The following RIF1 variants were observed in gnomAD, a reference collection of about 807,000 sequenced individuals.
RIF1 encodes the protein telomere-associated protein RIF1.
In RIF1, 45 loss-of-function variants were observed where a neutral mutation model predicts 247.1. The ratio of observed to expected loss-of-function variants is 0.18; its 90% CI spans 0.14 to 0.23. The LOEUF (loss-of-function observed/expected upper bound fraction) is 0.23, where lower values mean the gene tolerates loss of function less well. RIF1 is among the 10% of genes least tolerant of loss of function. The probability of loss-of-function intolerance (pLI) is 1.00; values close to 1 mark genes in which losing one functional copy is unlikely to be tolerated. For synonymous variants in RIF1, 1,087 were observed against 978.8 expected, an observed-to-expected ratio of 1.11 and a Z score of -2.06; for missense variants, 2,967 against 2,862.5, an observed-to-expected ratio of 1.04 and a Z score of -0.83.
downstream of RIF1, among the ~76,000 whole-genome samples, chr2:151,509,093 T>C (rs1167941384): frequency 6.6e-6 from 1 of 152,226 alleles, no homozygotes; most frequent in East Asian, 1.9e-4. Context: ...TCTGTCTGTC[T>C]CTATGTACTT....
chr2:151,440,319 TAAC>T (rs966985868), intron 15 of RIF1, among the ~76,000 whole-genome samples, 192 bp downstream of exon 15: 2 of 152,094 alleles, frequency 1.3e-5, no homozygotes, highest in Non-Finnish European at 1.5e-5. Context: ...ATAGTGACTA[TAAC>T]AACAGCCACA....
In RIF1 at chr2:151,411,312, C is replaced by T. The variant is rs1280185759; in HGVS notation, c.157C>T (p.Leu53Phe). 6.3e-7 allele frequency: 1 copy of T among 1,599,860 alleles called. No homozygotes were observed. Among genetic ancestry groups the T allele is most frequent in the African/African-American group, 1.3e-5 (1 of 74,184 alleles). ...AGTAATTACAGAAATTGAGAAAAAACTTCCTCGGCTGTACAAAGTTTTAAA... is the reference window on the plus strand; with the variant it reads ...AGTAATTACAGAAATTGAGAAAAAATTTCCTCGGCTGTACAAAGTTTTAAA... ...KEVITEIEKKLPRLYKVLKTH... is the reference protein window; with the variant it reads ...KEVITEIEKKFPRLYKVLKTH... Residue 53 changes from leucine to phenylalanine, a missense_variant, in exon 3 of 36, where the codon CTT becomes TTT. Transcript: ENST00000444746.
intron 26 of RIF1, among the ~76,000 whole-genome samples, chr2:151,460,825 C>T (rs1696034982): frequency 6.6e-6 from 1 of 152,194 alleles, no homozygotes; most frequent in Non-Finnish European, 1.5e-5. Context: ...TTGAGAGCTG[C>T]AAATATACTC....
chr2:151,500,854 C>T (rs944077976), intron 11 of RIF1, among the ~76,000 whole-genome samples: 2 of 152,104 alleles, frequency 1.3e-5, no homozygotes, highest in Non-Finnish European at 2.9e-5. Context: ...CTGCCTCGAC[C>T]TCCCAAAGTG....
downstream of RIF1, among the ~76,000 whole-genome samples, chr2:151,482,920 T>C (rs1288593792): frequency 6.6e-6 from 1 of 152,072 alleles, no homozygotes; most frequent in African/African-American, 2.4e-5. Flanking sequence ...CAGGTAGAGG[T>C]ATTTCCCCAA....
rs201291446 is a variant in RIF1, at chr2:151,493,797, C to T, written c.*416-1432C>T. 61 of 1,582,370 alleles carry T rather than the reference C, an allele frequency of 3.9e-5. No individual in the cohort carries two copies. The East Asian group carries it at 7.9e-4, about 21-fold the overall frequency. ...TACCGAGCTAAAGTTTTCTTGATTG[C>T]GTTTCACTCTTTCCATCTCAGGAGT... is the stretch of plus-strand genomic sequence containing the variant. On this transcript the variant is annotated intron_variant and NMD_transcript_variant, in intron 9 of 13. Coordinates refer to the RIF1 transcript ENST00000454583.
At chr2:151,433,253 G>A (rs72860233) in intron 10 of RIF1, 25 bp downstream of exon 10, 510,089 of 1,567,238 alleles carry the variant, frequency 0.33, 87,609 homozygotes, top group Non-Finnish European at 0.36. Context: ...GTTGACTATA[G>A]CACTTTATGT....
chr2:151,437,751 T>G (rs1691508325), intron 13 of RIF1, among the ~76,000 whole-genome samples: 1 of 152,166 alleles, frequency 6.6e-6, no homozygotes, highest in African/African-American at 2.4e-5. Context: ...ACTGGCCAGA[T>G]TGTGCATTGA....
Position 151,435,530 on chromosome 2 carries a change from G to GCAGTGGTGCGATCTGGGC in RIF1, c.1145_1146insCAGTGGTGCGATCTGGGC (p.Cys382_His383insSerGlyAlaIleTrpAla). The GCAGTGGTGCGATCTGGGC allele has an allele frequency of 6.2e-7, 1 of 1,612,314 alleles. No homozygotes were observed. Among genetic ancestry groups the GCAGTGGTGCGATCTGGGC allele is most frequent in the Non-Finnish European group, 8.5e-7 (1 of 1,178,502 alleles). ...AATGCCTCACCTCAGGGCAATTCGTGTCATGTAGCTACATCTCCAGGTTTA... is the reference window on the plus strand; with the variant it reads ...AATGCCTCACCTCAGGGCAATTCGTGCAGTGGTGCGATCTGGGCTCATGTAGCTACATCTCCAGGTTTA... On this transcript the variant is annotated inframe_insertion, in exon 11 of 36. Coordinates refer to ENST00000444746, the MANE Select transcript of RIF1 (RefSeq NM_018151.5).
chr2:151,438,113 A>G (rs770970277), intron 13 of RIF1, among the ~76,000 whole-genome samples: 13 of 152,250 alleles, frequency 8.5e-5, no homozygotes, highest in Non-Finnish European at 1.6e-4. Context: ...AAAGAAAGAT[A>G]ATTTAAAAAA....
At position 151,414,915 on chromosome 2, in the gene RIF1, A is replaced by G. The variant is rs750078240; in HGVS notation, c.276A>G (p.Leu92=). The stretch of plus-strand genomic sequence containing the variant: ...ATAATCCCAAAATTACCTCAGAATT[A>G]TCAGGTAGATAAATTTCTTATGACT... ...CLYNPKITSE[L]SEANALELLS... is the part of the protein sequence containing the mutation. Residue 92 remains leucine, a synonymous_variant, in exon 4 of 36, where the codon TTA becomes TTG. Coordinates refer to ENST00000444746, the MANE Select transcript of RIF1 (RefSeq NM_018151.5). 8.8e-6 allele frequency: 14 copies of G among 1,582,622 alleles called. No individual in the cohort carries two copies. In the South Asian group the frequency reaches 1.2e-4, roughly 14 times the overall value.
At chr2:151,446,855 C>T (rs1693358741) in intron 20 of RIF1, among the ~76,000 whole-genome samples, 1 of 151,990 alleles carries the variant, frequency 6.6e-6, no homozygotes, top group Non-Finnish European at 1.5e-5. Flanking sequence ...CTCTCCTGGA[C>T]CTCACTTTCT....
At chr2:151,527,329 C>CAGCCAAAGGAGAATAGGCTCCATGGGCA in the RIF1 span, among the ~76,000 whole-genome samples, 1 of 152,162 alleles carries the variant, frequency 6.6e-6, no homozygotes, top group Non-Finnish European at 1.5e-5. Flanking sequence ...GTTCTGAGCT[C>CAGCCAAAGGAGAATAGGCTCCATGGGCA]GCCTATCGCT....
downstream of RIF1, chr2:151,486,222 A>T (rs2152639179): frequency 3.3e-6 from 1 of 301,378 alleles, no homozygotes; most frequent in South Asian, 6.7e-5. Flanking sequence ...AAAAAGATAG[A>T]CAAATAGCCA....
the RIF1 span, chr2:151,526,229 C>G: frequency 8.7e-6 from 14 of 1,613,214 alleles, no homozygotes; most frequent in Non-Finnish European, 1.2e-5. Context: ...TGGCAGGTTC[C>G]TCTTTCCTTG....
intron 15 of RIF1, among the ~76,000 whole-genome samples, chr2:151,440,999 T>A (rs1396086318): frequency 6.6e-6 from 1 of 152,188 alleles, no homozygotes; most frequent in Non-Finnish European, 1.5e-5. Context: ...CATACCAGTA[T>A]ATTACCACTG....
intron 23 of RIF1, among the ~76,000 whole-genome samples, chr2:151,457,072 G>A (rs542378744): frequency 2.7e-5 from 4 of 150,766 alleles, no homozygotes; most frequent in African/African-American, 9.8e-5. Context: ...AACACCATAT[G>A]AACACATTTA....
chr2:151,522,884 A>C, the RIF1 span, among the ~76,000 whole-genome samples: 1 of 152,162 alleles, frequency 6.6e-6, no homozygotes, highest in Non-Finnish European at 1.5e-5. Context: ...AAGCCCACAC[A>C]CAGCTGAAGC....
intron 21 of RIF1, among the ~76,000 whole-genome samples, chr2:151,452,296 A>G (rs989104635): frequency 2.6e-5 from 4 of 152,226 alleles, no homozygotes; most frequent in African/African-American, 7.2e-5. Flanking sequence ...TTTGTAGCAA[A>G]TAGTTTTTAA....
Sources: allele counts gnomAD v4.1 joint callset (sites outside exome capture counted in the v4.1 genomes callset), GRCh38; gene constraint gnomAD v4.1.1; transcripts MANE v1.5; gene names NCBI Gene and HGNC (gene_info 2026-07-23, HGNC 2026-07-21).